The following RGS5 variants were observed in gnomAD, a reference collection of about 807,000 sequenced individuals.
RGS5 encodes regulator of G protein signaling 5.
A neutral mutation model predicts 18.9 loss-of-function variants in RGS5; 20 were observed. That is an observed-to-expected ratio of 1.06 (90% confidence interval 0.74 to 1.54). The LOEUF (loss-of-function observed/expected upper bound fraction) is 1.54, where lower values mean the gene tolerates loss of function less well. RGS5 is among the 40% of genes most tolerant of loss of function. The pLI is 0.00. For synonymous variants in RGS5, 57 were observed against 76.2 expected (o/e 0.75, Z 1.31); for missense variants, 201 against 211.8 (o/e 0.95, Z 0.32).
At chr1:163,320,005 A>C (rs900816039) in intron 1 of RGS5, among the ~76,000 whole-genome samples, 2 of 152,182 alleles carry the variant, frequency 1.3e-5, no homozygotes, top group African/African-American at 4.8e-5. Flanking sequence ...TAAATAAATA[A>C]TTTACTTCTA....
chr1:163,289,231 C>T (rs1649217898), intron 2 of RGS5, among the ~76,000 whole-genome samples: 1 of 151,878 alleles, frequency 6.6e-6, no homozygotes, highest in Non-Finnish European at 1.5e-5. Context: ...CCACCCTTTT[C>T]TGCTTGTTTG....
At chr1:163,224,112 ATTG>A in intron 2 of RGS5, among the ~76,000 whole-genome samples, 1 of 152,212 alleles carries the variant, frequency 6.6e-6, no homozygotes, top group Non-Finnish European at 1.5e-5. Flanking sequence ...GCAATATATT[ATTG>A]TTAACTATAG....
intron 1 of RGS5, among the ~76,000 whole-genome samples, chr1:163,195,740 C>G (rs1467516302): frequency 1.3e-5 from 2 of 151,522 alleles, no homozygotes; most frequent in Admixed American, 1.3e-4. Flanking sequence ...AAGGCCTTAG[C>G]ACATAATTGA....
At chr1:163,216,776 C>T (rs1323787162) in intron 1 of RGS5, among the ~76,000 whole-genome samples, 1 of 152,154 alleles carries the variant, frequency 6.6e-6, no homozygotes, top group Non-Finnish European at 1.5e-5. Flanking sequence ...TCAGGGTTCT[C>T]AGTTTGTGAT....
intron 3 of RGS5, 139 bp downstream of exon 3, chr1:163,161,776 C>A (rs183209467): frequency 4.2e-5 from 26 of 626,140 alleles, no homozygotes; most frequent in Admixed American, 2.3e-4. Flanking sequence ...ACCTGCAGCC[C>A]CCTTCCCTTA....
intron 2 of RGS5, among the ~76,000 whole-genome samples, chr1:163,242,807 AG>A (rs1157067046): frequency 6.6e-6 from 1 of 152,236 alleles, no homozygotes; most frequent in Admixed American, 6.5e-5. Flanking sequence ...CATTTTCTAT[AG>A]GGAACCTCTA....
At chr1:163,183,872 T>C (rs933300891) in intron 1 of RGS5, among the ~76,000 whole-genome samples, 4 of 152,158 alleles carry the variant, frequency 2.6e-5, no homozygotes, top group African/African-American at 9.7e-5. Context: ...GTCTCTCCAG[T>C]GATTCCTTCC....
At chr1:163,315,999 T>C (rs1349836543) in intron 1 of RGS5, among the ~76,000 whole-genome samples, 1 of 152,232 alleles carries the variant, frequency 6.6e-6, no homozygotes, top group South Asian at 2.1e-4. Flanking sequence ...ATGCTGTATA[T>C]TCAAAAGTGT....
At chr1:163,272,392 ACAAAAG>A (rs1648745540) in intron 2 of RGS5, among the ~76,000 whole-genome samples, 1 of 152,088 alleles carries the variant, frequency 6.6e-6, no homozygotes, top group Admixed American at 6.6e-5. Flanking sequence ...CCTTTGAGGC[ACAAAAG>A]TTCTCAATTT....
upstream of RGS5, among the ~76,000 whole-genome samples, chr1:163,221,999 C>A (rs900987729): frequency 2.0e-5 from 3 of 152,210 alleles, no homozygotes; most frequent in South Asian, 2.1e-4. Context: ...ATGACCTTTA[C>A]TCAATTGGTC....
At chr1:163,215,001 T>C (rs2940675) in intron 1 of RGS5, among the ~76,000 whole-genome samples, 60,625 of 151,940 alleles carry the variant, frequency 0.4, 13,056 homozygotes, top group African/African-American at 0.59. Context: ...TTTAGTTTGC[T>C]TTCAAATAAC....
At chr1:163,205,950 G>A (rs1659944296), upstream of RGS5, among the ~76,000 whole-genome samples, 1 of 152,048 alleles carries the variant, frequency 6.6e-6, no homozygotes, top group African/African-American at 2.4e-5. Context: ...CACTAATCTC[G>A]CTACTCACAG....
chr1:163,158,866 G>GCGCT (rs2102390049), intron 3 of RGS5, among the ~76,000 whole-genome samples: 2 of 152,262 alleles, frequency 1.3e-5, no homozygotes, highest in South Asian at 4.1e-4. Context: ...ATCCTAATAA[G>GCGCT]CCTGGGAGCG....
chr1:163,288,051 G>A (rs574532865), intron 2 of RGS5, among the ~76,000 whole-genome samples: 114 of 151,860 alleles, frequency 7.5e-4, no homozygotes, highest in African/African-American at 2.5e-3. Flanking sequence ...GCCAGAAAAC[G>A]TATTAATTTT....
rs115422136 is a variant in RGS5 at position 163,294,715 on chromosome 1, A to T, written c.-281+11518T>A. On this transcript the variant is annotated intron_variant, in intron 2 of 5. Coordinates refer to the RGS5 transcript ENST00000618415. ...TTTTCTATTGCATGGTCAGGCTGCA[A>T]ATTTTCCAAACCTTTATGCTCTCTC... Among the ~76,000 whole-genome samples the T allele has an allele frequency of 4.8e-3, 738 of 152,282 alleles. 5 individuals carry two copies. The highest frequency in any genetic ancestry group is 0.017 in the African/African-American group (693 of 41,560).
Position 163,145,261 on chromosome 1 carries a change from A to G in RGS5, c.*2081T>C, listed in dbSNP as rs778064086. The G allele has an allele frequency of 7.9e-5, 12 of 152,208 alleles. No individual in the cohort carries two copies. The highest frequency in any genetic ancestry group is 1.6e-4 in the Non-Finnish European group (11 of 68,022). 9.4% of individuals were successfully genotyped at this position (152,208 alleles called of 1,614,324 possible). A position where few individuals can be genotyped will look rare whatever the true frequency, so the allele number is the denominator to read the frequency against. ...TCTGGGAATTTTTAAACATTTGGAT[A>G]TTGCAAATAATGTGAATAAAATACT... On this transcript the variant is annotated 3_prime_UTR_variant, in exon 5 of 5. Coordinates refer to ENST00000313961, the MANE Select transcript of RGS5 (RefSeq NM_003617.4).
chr1:163,249,608 T>G (rs930626742), intron 2 of RGS5, among the ~76,000 whole-genome samples: 1 of 152,204 alleles, frequency 6.6e-6, no homozygotes, highest in Non-Finnish European at 1.5e-5. Context: ...GTGGCCAGCA[T>G]GGCGAAACCC....
At chr1:163,289,738 G>T (rs1649232579) in intron 2 of RGS5, among the ~76,000 whole-genome samples, 1 of 152,088 alleles carries the variant, frequency 6.6e-6, no homozygotes, top group Non-Finnish European at 1.5e-5. Flanking sequence ...CTAGCTCAGT[G>T]CAACTATACG....
intron 2 of RGS5, among the ~76,000 whole-genome samples, chr1:163,227,631 C>T (rs191622541): frequency 4.0e-5 from 6 of 150,588 alleles, no homozygotes; most frequent in African/African-American, 1.2e-4. Context: ...CACAATCATG[C>T]CCTTCCAACA....
Sources: allele counts gnomAD v4.1 joint callset (sites outside exome capture counted in the v4.1 genomes callset), GRCh38; gene constraint gnomAD v4.1.1; transcripts MANE v1.5; gene names NCBI Gene and HGNC (gene_info 2026-07-23, HGNC 2026-07-21).